The following LRRC4C variants were observed in gnomAD, a reference collection of about 807,000 sequenced individuals.
LRRC4C encodes leucine rich repeat containing 4C, also known as leucine-rich repeat-containing protein 4C.
LRRC4C carries 5 observed loss-of-function variants against 33.6 expected under a neutral mutation model. The ratio of observed to expected loss-of-function variants is 0.15; its 90% CI spans 0.08 to 0.31. The LOEUF is 0.31. Ranked by LOEUF, LRRC4C falls within the 10% of genes least tolerant of loss-of-function variation. The pLI is 1.00. For synonymous variants in LRRC4C, 329 were observed against 302.0 expected, an observed-to-expected ratio of 1.09 and a Z score of -0.93; for missense variants, 560 against 796.7, an observed-to-expected ratio of 0.70 and a Z score of 3.58.
intron 1 of LRRC4C, among the ~76,000 whole-genome samples, chr11:41,190,739 A>G (rs1437820338): frequency 6.6e-6 from 1 of 152,190 alleles, no homozygotes; most frequent in East Asian, 1.9e-4. Context: ...ACGTGACACT[A>G]GTTTGGCCGT....
At chr11:41,128,516 A>G (rs1369313279) in intron 1 of LRRC4C, among the ~76,000 whole-genome samples, 1 of 152,086 alleles carries the variant, frequency 6.6e-6, no homozygotes, top group Non-Finnish European at 1.5e-5. Flanking sequence ...ATTCTAAAGT[A>G]CACTTTTCTT....
chr11:40,330,971 C>G (rs967026284), intron 3 of LRRC4C, among the ~76,000 whole-genome samples: 7 of 152,174 alleles, frequency 4.6e-5, no homozygotes, highest in African/African-American at 1.4e-4. Flanking sequence ...GACTATTCTT[C>G]CCTTCCCCAT....
intron 2 of LRRC4C, among the ~76,000 whole-genome samples, chr11:40,792,785 C>T (rs1184466851): frequency 6.6e-6 from 1 of 152,048 alleles, no homozygotes; most frequent in African/African-American, 2.4e-5. Context: ...GGCACATATA[C>T]ACCATGGAAT....
At position 41,050,332 on chromosome 11, in the gene LRRC4C, A is replaced by C. The variant is rs79479649; in HGVS notation, c.-495-116609T>G. On this transcript the variant is annotated intron_variant, in intron 1 of 6. Transcript: ENST00000528697. ...TTGATGAAAAAGTACATAGCTATAC[A>C]TGGGCCATGTTACGTAGCTATACAT... Among the ~76,000 whole-genome samples, 600 of 152,236 alleles carry C rather than the reference A, an allele frequency of 3.9e-3. 9 individuals are homozygous for C. Among genetic ancestry groups the C allele is most frequent in the African/African-American group, 0.014 (578 of 41,538 alleles).
chr11:41,010,021 A>G (rs756555324), intron 1 of LRRC4C, among the ~76,000 whole-genome samples: 14 of 152,138 alleles, frequency 9.2e-5, no homozygotes, highest in Non-Finnish European at 1.8e-4. Flanking sequence ...ACACAGAGGG[A>G]GAAAGTCATG....
intron 3 of LRRC4C, among the ~76,000 whole-genome samples, chr11:40,638,774 T>TG (rs1027982240): frequency 6.6e-6 from 1 of 151,086 alleles, no homozygotes; most frequent in Admixed American, 6.6e-5. Flanking sequence ...GGTCGAGTTT[T>TG]TTTTTTTTTT....
At chr11:40,493,981 C>T (rs577649734) in intron 3 of LRRC4C, among the ~76,000 whole-genome samples, 2 of 152,260 alleles carry the variant, frequency 1.3e-5, no homozygotes, top group South Asian at 4.1e-4. Flanking sequence ...ATCAAAAGAA[C>T]TTTCAGAGGT....
intron 3 of LRRC4C, among the ~76,000 whole-genome samples, chr11:40,499,610 T>A (rs1220395423): frequency 6.6e-6 from 1 of 152,176 alleles, no homozygotes; most frequent in Non-Finnish European, 1.5e-5. Flanking sequence ...ATCAATGTAT[T>A]GATGATTATG....
intron 3 of LRRC4C, among the ~76,000 whole-genome samples, chr11:40,630,045 C>A (rs1378128582): frequency 6.6e-6 from 1 of 152,050 alleles, no homozygotes; most frequent in South Asian, 2.1e-4. Flanking sequence ...AATAAATAAT[C>A]TCCAATATCA....
chr11:41,051,412 G>T (rs1462219), intron 1 of LRRC4C, among the ~76,000 whole-genome samples: 70,147 of 150,310 alleles, frequency 0.47, 17,106 homozygotes, highest in South Asian at 0.65. Context: ...TACATCTGAT[G>T]TGTAAATTGC....
intron 1 of LRRC4C, among the ~76,000 whole-genome samples, chr11:41,378,210 T>C (rs567930647): frequency 6.6e-6 from 1 of 151,772 alleles, no homozygotes; most frequent in Admixed American, 6.6e-5. Flanking sequence ...AGGACTTTAA[T>C]CAAAGAGAAA....
At chr11:40,847,110 T>C (rs1349911136) in intron 2 of LRRC4C, among the ~76,000 whole-genome samples, 1 of 124,876 alleles carries the variant, frequency 8.0e-6, no homozygotes, top group African/African-American at 3.0e-5. Flanking sequence ...TAATTTGACT[T>C]CCTCTCTTCC....
Position 40,872,602 on chromosome 11 carries a change from G to A in LRRC4C, c.-407+61033C>T, listed in dbSNP as rs573967619. 3.1e-4 allele frequency among the ~76,000 whole-genome samples: 47 copies of A among 151,936 alleles called. No individual in the cohort carries two copies. In the South Asian group the frequency reaches 4.8e-3, roughly 15 times the overall value. On this transcript the variant is annotated intron_variant, in intron 2 of 6. Coordinates refer to ENST00000528697, the MANE Select transcript of LRRC4C (RefSeq NM_001258419.2). Reference sequence around the variant, plus strand: ...TTTGCTGTTTACCTATATCTTTCCCGGATTTGGTAAATTGTATACCTTTAT... The same window carrying A: ...TTTGCTGTTTACCTATATCTTTCCCAGATTTGGTAAATTGTATACCTTTAT...
chr11:41,139,584 T>C (rs1229962425), intron 1 of LRRC4C, among the ~76,000 whole-genome samples: 1 of 152,182 alleles, frequency 6.6e-6, no homozygotes, highest in African/African-American at 2.4e-5. Context: ...TTTTGATCAA[T>C]AGGTTATCCA....
chr11:41,330,199 T>G (rs1951248379), intron 1 of LRRC4C, among the ~76,000 whole-genome samples: 1 of 152,180 alleles, frequency 6.6e-6, no homozygotes, highest in South Asian at 2.1e-4. Context: ...CTTCTTACTA[T>G]TTACTTCCTT....
chr11:40,915,071 C>T (rs1361281881), intron 2 of LRRC4C, among the ~76,000 whole-genome samples: 1 of 152,142 alleles, frequency 6.6e-6, no homozygotes, highest in Non-Finnish European at 1.5e-5. Flanking sequence ...GAAGAACATT[C>T]CATGCTCATG....
At chr11:41,237,801 A>G (rs1948087007) in intron 1 of LRRC4C, among the ~76,000 whole-genome samples, 2 of 152,112 alleles carry the variant, frequency 1.3e-5, no homozygotes, top group African/African-American at 2.4e-5. Context: ...TTTCACTCCT[A>G]TTTATCACTT....
At chr11:40,387,910 A>G (rs1029427942) in intron 3 of LRRC4C, among the ~76,000 whole-genome samples, 1 of 152,280 alleles carries the variant, frequency 6.6e-6, no homozygotes, top group African/African-American at 2.4e-5. Context: ...TAATTTCCAC[A>G]GAGATTTTCT....
At chr11:40,529,445 G>A (rs1248842849) in intron 3 of LRRC4C, among the ~76,000 whole-genome samples, 10 of 152,080 alleles carry the variant, frequency 6.6e-5, no homozygotes. Context: ...ATAAGACAGA[G>A]ATAATAGCGG....
Sources: allele counts gnomAD v4.1 joint callset (sites outside exome capture counted in the v4.1 genomes callset), GRCh38; gene constraint gnomAD v4.1.1; transcripts MANE v1.5; gene names NCBI Gene and HGNC (gene_info 2026-07-23, HGNC 2026-07-21).